The following RNF212B variants were observed in gnomAD, a reference collection of about 807,000 sequenced individuals.
RNF212B encodes E3 ubiquitin-protein ligase RNF212B.
RNF212B carries 52 observed loss-of-function variants against 55.5 expected under a neutral mutation model. That is an observed-to-expected ratio of 0.94 (90% CI 0.75 to 1.18). The LOEUF (loss-of-function observed/expected upper bound fraction) is 1.18. Ranked by LOEUF, RNF212B falls within the 50% of genes most tolerant of loss-of-function variation. The pLI, the probability that RNF212B is intolerant of heterozygous loss-of-function variation, is 0.00. For missense variants in RNF212B, 289 were observed against 350.4 expected (o/e 0.82, Z 1.40); for synonymous variants, 99 against 121.4 (o/e 0.82, Z 1.21).
At chr14:23,244,515 C>G (rs1411111089) in intron 4 of RNF212B, 119 bp downstream of exon 4, 3 of 568,096 alleles carry the variant, frequency 5.3e-6, no homozygotes, top group Non-Finnish European at 9.2e-6. Flanking sequence ...AAATTGACTG[C>G]TTTCTTTGCT....
intron 14 of RNF212B, 53 bp downstream of exon 14, chr14:23,270,714 C>T: frequency 4.1e-6 from 5 of 1,222,054 alleles, no homozygotes; most frequent in South Asian, 1.3e-5. Flanking sequence ...CATGGTTAGG[C>T]CTGCACACTA....
At chr14:23,232,727 G>C (rs1240389146) in intron 2 of RNF212B, among the ~76,000 whole-genome samples, 1 of 149,874 alleles carries the variant, frequency 6.7e-6, no homozygotes, top group East Asian at 2.0e-4. Flanking sequence ...GCCCCGTCCG[G>C]GAGGGAGGTG....
intron 4 of RNF212B, among the ~76,000 whole-genome samples, chr14:23,250,234 C>G (rs1189905495): frequency 6.6e-6 from 1 of 152,130 alleles, no homozygotes; most frequent in Non-Finnish European, 1.5e-5. Context: ...AATCCCAGCA[C>G]TTTTGGAGGC....
intron 4 of RNF212B, among the ~76,000 whole-genome samples, chr14:23,255,706 AT>A (rs1460094350): frequency 2.0e-5 from 3 of 152,180 alleles, no homozygotes; most frequent in Non-Finnish European, 2.9e-5. Flanking sequence ...TTCTAAAAAA[AT>A]TTTTTTAATT....
intron 4 of RNF212B, among the ~76,000 whole-genome samples, chr14:23,256,800 C>T (rs766363800): frequency 4.6e-5 from 7 of 152,254 alleles, no homozygotes; most frequent in Non-Finnish European, 1.0e-4. Flanking sequence ...AATCCACCCA[C>T]TTCAGCCTTT....
At chr14:23,235,673 G>C (rs1883045084), upstream of RNF212B, among the ~76,000 whole-genome samples, 1 of 152,184 alleles carries the variant, frequency 6.6e-6, no homozygotes, top group Non-Finnish European at 1.5e-5. Context: ...GATAGATAGT[G>C]ATATTAACAA....
At chr14:23,251,198 T>C (rs1035370395) in intron 4 of RNF212B, among the ~76,000 whole-genome samples, 1 of 152,184 alleles carries the variant, frequency 6.6e-6, no homozygotes. Flanking sequence ...TGCCCCTGTG[T>C]GAGATGTTTT....
At chr14:23,199,515 C>T (rs906610799) in intron 2 of RNF212B, among the ~76,000 whole-genome samples, 3 of 152,132 alleles carry the variant, frequency 2.0e-5, no homozygotes, top group Non-Finnish European at 4.4e-5. Context: ...CTTTAATTTC[C>T]TTTCATATTT....
chr14:23,242,061 G>GACAGAGCA (rs1235422386), intron 2 of RNF212B, among the ~76,000 whole-genome samples: 1 of 112,770 alleles, frequency 8.9e-6, no homozygotes, highest in Non-Finnish European at 1.7e-5. Context: ...CAGCCTGGGC[G>GACAGAGCA]ACAGAGCAAG....
At chr14:23,226,928 C>G (rs1378434309) in intron 2 of RNF212B, among the ~76,000 whole-genome samples, 1 of 151,676 alleles carries the variant, frequency 6.6e-6, no homozygotes, top group Non-Finnish European at 1.5e-5. Context: ...CAGACATGAG[C>G]CATCACACCC....
In RNF212B at chr14:23,223,176, A is replaced by C. The variant is rs141877157; in HGVS notation, c.-1-17169A>C. Among the ~76,000 whole-genome samples, 1,323 of 152,332 alleles carry C rather than the reference A, an allele frequency of 8.7e-3. 25 individuals are homozygous for C. The highest frequency in any genetic ancestry group is 0.03 in the African/African-American group (1,252 of 41,582). ...GTCGTACATCATATCAATAGAACGA[A>C]GGACAAACCATATGATCATTTCAAT... On this transcript the variant is annotated intron_variant, in intron 2 of 15. Coordinates refer to the RNF212B transcript ENST00000399910.
intron 7 of RNF212B, among the ~76,000 whole-genome samples, chr14:23,261,055 A>C (rs1176453275): frequency 6.6e-6 from 1 of 152,224 alleles, no homozygotes; most frequent in African/African-American, 2.4e-5. Context: ...TCATAACCTG[A>C]CGCGTCTACC....
chr14:23,194,476 A>G (rs2331940), intron 2 of RNF212B, among the ~76,000 whole-genome samples: 114,878 of 152,020 alleles, frequency 0.76, 43,612 homozygotes, highest in Admixed American at 0.81. Flanking sequence ...AGTGACACAC[A>G]CCTATAATCC....
rs544207960 is a variant in RNF212B, at chr14:23,264,733, C to T, written c.634+62C>T. On this transcript the variant is annotated intron_variant, in intron 11 of 14. Transcript: ENST00000430154. ...ACTCTATGCGAAGATCTGCGGATTTCTGGTTTTCTATGCATAATATAATGC... is the reference window on the plus strand; with the variant it reads ...ACTCTATGCGAAGATCTGCGGATTTTTGGTTTTCTATGCATAATATAATGC... The T allele has an allele frequency of 6.4e-6, 7 of 1,095,274 alleles. No individual in the cohort carries two copies. The East Asian group carries it at 2.2e-4, about 35-fold the overall frequency. 67.8% of individuals were successfully genotyped at this position (1,095,274 alleles called of 1,614,324 possible).
At chr14:23,236,949 TTCTG>T (rs1215672610), upstream of RNF212B, among the ~76,000 whole-genome samples, 3 of 150,002 alleles carry the variant, frequency 2.0e-5, no homozygotes, top group Non-Finnish European at 4.4e-5. Context: ...GCCAATCTTA[TTCTG>T]TCTCTCTCTT....
intron 2 of RNF212B, among the ~76,000 whole-genome samples, chr14:23,242,506 T>C (rs1883672360): frequency 6.6e-6 from 1 of 152,226 alleles, no homozygotes; most frequent in Non-Finnish European, 1.5e-5. Flanking sequence ...TTTCTTACAG[T>C]GCCCAATGTG....
chr14:23,260,185 C>T (rs1050879909), intron 6 of RNF212B, among the ~76,000 whole-genome samples: 5 of 152,132 alleles, frequency 3.3e-5, no homozygotes, highest in African/African-American at 1.2e-4. Context: ...TCATGACCTA[C>T]CAGTTGGAAA....
chr14:23,230,519 T>G (rs1882503637), intron 2 of RNF212B, among the ~76,000 whole-genome samples: 1 of 151,870 alleles, frequency 6.6e-6, no homozygotes, highest in Non-Finnish European at 1.5e-5. Context: ...CCGGGTGTGG[T>G]GGCGGGGGCC....
At chr14:23,272,062 A>G (rs923700611) in intron 14 of RNF212B, among the ~76,000 whole-genome samples, 2 of 152,210 alleles carry the variant, frequency 1.3e-5, no homozygotes, top group Non-Finnish European at 2.9e-5. Context: ...AAGATTGGCC[A>G]TTAATTATTT....
Sources: allele counts gnomAD v4.1 joint callset (sites outside exome capture counted in the v4.1 genomes callset), GRCh38; gene constraint gnomAD v4.1.1; transcripts MANE v1.5; gene names NCBI Gene and HGNC (gene_info 2026-07-23, HGNC 2026-07-21).